The following FYB1 variants were observed in gnomAD, a reference collection of about 807,000 sequenced individuals.
FYB1 encodes FYN binding protein 1.
Under a neutral mutation model 94.1 loss-of-function variants are expected in FYB1, and 41 were observed. The observed-to-expected ratio is 0.44, with a 90% CI of 0.34 to 0.57. The LOEUF (loss-of-function observed/expected upper bound fraction) is 0.57, where lower values mean the gene tolerates loss of function less well. Among genes scored for constraint, FYB1 ranks in the 20% least tolerant of loss-of-function variants. FYB1 has a pLI of 0.02. For missense variants in FYB1, 1,050 were observed against 976.8 expected (o/e 1.07, Z -1.00); for synonymous variants, 367 against 353.2 (o/e 1.04, Z -0.44).
rs73091005 is a variant in FYB1 at position 39,169,702 on chromosome 5, G to A, written c.1136-16098C>T. 357 of 451,752 alleles carry A rather than the reference G, an allele frequency of 7.9e-4. 1 individual carries two copies. The highest frequency in any genetic ancestry group is 3.5e-3 in the African/African-American group (171 of 49,226). 28.0% of individuals were successfully genotyped at this position (451,752 alleles called of 1,614,324 possible). A position where few individuals can be genotyped will look rare whatever the true frequency, so the allele number is the denominator to read the frequency against. On this transcript the variant is annotated intron_variant, in intron 2 of 18. Coordinates refer to ENST00000512982, the MANE Select transcript of FYB1 (RefSeq NM_001465.6). ...TCTATTGAAAGTACAAAAATTAGCC[G>A]GGCCAGTCGAAGGTTAGATAGTTCA...
In FYB1 at chr5:39,153,505, G is replaced by A; in HGVS notation, c.1235C>T (p.Ser412Leu). 2 of 1,613,986 alleles carry A rather than the reference G, an allele frequency of 1.2e-6. No homozygotes were observed. The highest frequency in any genetic ancestry group is 1.1e-5 in the South Asian group (1 of 91,076). Residue 412 changes from serine (S) to leucine (L), a missense_variant, in exon 3 of 19, where the codon TCA (serine) becomes TTA (leucine). Physicochemically the swap from Ser to Leu is moderately radical, Grantham distance 145. Transcript: ENST00000512982. ...AGGTAGGCTTGGGACTGGTGGTTGTGATGGGTGAGATGCTGGCAATGGTGG... is the reference window on the plus strand; with the variant it reads ...AGGTAGGCTTGGGACTGGTGGTTGTAATGGGTGAGATGCTGGCAATGGTGG... ...SQPPLPASHP[S>L]QPPVPSLPPR...
intron 11 of FYB1, among the ~76,000 whole-genome samples, chr5:39,127,298 T>C (rs1046940279): frequency 6.6e-6 from 1 of 151,648 alleles, no homozygotes; most frequent in Non-Finnish European, 1.5e-5. Context: ...AATCATGTTA[T>C]TACACAAGGG....
intron 1 of FYB1, among the ~76,000 whole-genome samples, chr5:39,215,875 T>C (rs1261555271): frequency 1.3e-5 from 2 of 152,182 alleles, no homozygotes; most frequent in Non-Finnish European, 2.9e-5. Flanking sequence ...GCAGGTGTAA[T>C]TAAGGATCAT....
chr5:39,235,250 G>A (rs2150577755), intron 1 of FYB1, among the ~76,000 whole-genome samples: 1 of 150,672 alleles, frequency 6.6e-6, no homozygotes, highest in East Asian at 2.0e-4. Context: ...GGTGAAGAGG[G>A]AACTACAGAT....
intron 1 of FYB1, among the ~76,000 whole-genome samples, chr5:39,216,814 C>T (rs1051810116): frequency 6.6e-6 from 1 of 152,182 alleles, no homozygotes; most frequent in Non-Finnish European, 1.5e-5. Context: ...GGCATTTCAC[C>T]TGCACTTAGA....
At chr5:39,134,790 A>C in intron 8 of FYB1, 65 bp downstream of exon 8, 22 of 1,507,360 alleles carry the variant, frequency 1.5e-5, no homozygotes, top group South Asian at 2.3e-5. Context: ...TTCTGGAGGA[A>C]TATGTACATT....
intron 14 of FYB1, among the ~76,000 whole-genome samples, chr5:39,121,149 G>A (rs1372023712): frequency 2.5e-5 from 3 of 119,502 alleles, no homozygotes; most frequent in Admixed American, 1.1e-4. Flanking sequence ...CCTAGAGAGC[G>A]ATTTTATGGA....
intron 11 of FYB1, among the ~76,000 whole-genome samples, chr5:39,127,315 A>G (rs1390739398): frequency 6.6e-6 from 1 of 151,718 alleles, no homozygotes; most frequent in Non-Finnish European, 1.5e-5. Context: ...AGGGATAGCC[A>G]TGCAACTGAT....
chr5:39,108,288 T>A (rs752254544), intron 17 of FYB1, 26 bp from the exon 18 acceptor site: 2 of 1,506,762 alleles, frequency 1.3e-6, no homozygotes, highest in Non-Finnish European at 1.8e-6. Flanking sequence ...AAAATTTTTA[T>A]TTTAAAGAAA....
At position 39,124,069 on chromosome 5, in the gene FYB1, T is replaced by G. The variant is rs984823017; in HGVS notation, c.2071+184A>C. On this transcript the variant is annotated intron_variant, in intron 13 of 18. Coordinates refer to ENST00000512982, the MANE Select transcript of FYB1 (RefSeq NM_001465.6). ...AAAAACTATCAGTCTTTTTAATTTT[T>G]CTCATCTTGCTATTTTATCATTGAG... 1.1e-4 allele frequency among the ~76,000 whole-genome samples: 17 copies of G among 152,268 alleles called. No homozygotes were observed. The East Asian group carries it at 3.3e-3, about 29-fold the overall frequency.
intron 1 of FYB1, among the ~76,000 whole-genome samples, chr5:39,256,022 C>G (rs1011850034): frequency 2.0e-5 from 3 of 152,180 alleles, no homozygotes; most frequent in Admixed American, 2.0e-4. Flanking sequence ...GAACAGTTAA[C>G]ATAGTAAGTG....
chr5:39,170,006 A>ACAT lies in FYB1; in HGVS notation c.1136-16403_1136-16402insATG, dbSNP rs1745100258. 5 of 738,788 alleles carry ACAT rather than the reference A, an allele frequency of 6.8e-6. No homozygotes were observed. The Admixed American group carries it at 9.8e-5, about 15-fold the overall frequency. The allele number at this position is 738,788 out of a possible 1,614,324, so 45.8% of individuals were successfully genotyped here. A position where few individuals can be genotyped will look rare whatever the true frequency, so the allele number is the denominator to read the frequency against. On this transcript the variant is annotated intron_variant, in intron 2 of 18. Coordinates refer to ENST00000512982, the MANE Select transcript of FYB1 (RefSeq NM_001465.6). ...TTTCTTGTTCACACAAATTGGGATG[A>ACAT]AGGCCTAGGAACAGATGAATTTTCA...
At chr5:39,178,192 A>G (rs1745906933) in intron 2 of FYB1, among the ~76,000 whole-genome samples, 2 of 152,258 alleles carry the variant, frequency 1.3e-5, no homozygotes, top group Admixed American at 1.3e-4. Context: ...TTTGATATTC[A>G]TAGTGTTCAT....
chr5:39,127,778 T>A lies in FYB1; in HGVS notation c.1870A>T (p.Ile624Phe). ...GIFPPPPDDD[I>F]YDGIEEEDAD... ...TCTTCCTCTTCAATCCCATCATAAA[T>A]GTCATCATCTGGTGGTGGAGGGAAT... is the stretch of plus-strand genomic sequence containing the variant. The change falls in exon 11 of 19, where the codon ATT (isoleucine) becomes TTT (phenylalanine). Residue 624 changes from isoleucine (I) to phenylalanine (F), a missense_variant. Physicochemically the swap from Ile to Phe is conservative, Grantham distance 21. Coordinates refer to ENST00000512982, the MANE Select transcript of FYB1 (RefSeq NM_001465.6). 1 of 1,603,892 alleles carries A rather than the reference T, an allele frequency of 6.2e-7. No homozygotes were observed. Among genetic ancestry groups the A allele is most frequent in the South Asian group, 1.1e-5 (1 of 89,296 alleles).
In FYB1 at chr5:39,195,745, A is replaced by C. The variant is rs1219413237; in HGVS notation, c.1135+6081T>G. Among the ~76,000 whole-genome samples the C allele has an allele frequency of 4.6e-5, 7 of 152,224 alleles. No homozygotes were observed. The South Asian group carries it at 1.4e-3, about 31-fold the overall frequency. On this transcript the variant is annotated intron_variant, in intron 2 of 18. Transcript: ENST00000512982. Reference sequence around the variant, plus strand: ...CCAGCAGGTTTTTACTAAATCATACATGCAAACCAATAGTCAGGCCAGGGA... The same window carrying C: ...CCAGCAGGTTTTTACTAAATCATACCTGCAAACCAATAGTCAGGCCAGGGA...
At chr5:39,129,112 C>G (rs1740947105) in intron 10 of FYB1, among the ~76,000 whole-genome samples, 1 of 151,780 alleles carries the variant, frequency 6.6e-6, no homozygotes, top group Non-Finnish European at 1.5e-5. Context: ...AAAATAGAAA[C>G]AAAAACCAAT....
chr5:39,177,992 A>G (rs1469467), intron 2 of FYB1, among the ~76,000 whole-genome samples: 2 of 152,318 alleles, frequency 1.3e-5, no homozygotes, highest in East Asian at 3.9e-4. Flanking sequence ...GCTTTCCTGC[A>G]AACACAAAAT....
chr5:39,226,522 G>T (rs185658352), intron 1 of FYB1, among the ~76,000 whole-genome samples: 6 of 152,050 alleles, frequency 3.9e-5, no homozygotes, highest in Admixed American at 3.3e-4. Flanking sequence ...CTTCCACATT[G>T]TCTTACCCTT....
At chr5:39,217,093 G>T (rs1204777483) in intron 1 of FYB1, among the ~76,000 whole-genome samples, 9 of 152,040 alleles carry the variant, frequency 5.9e-5, no homozygotes, top group Non-Finnish European at 2.9e-5. Flanking sequence ...AGACATTCTT[G>T]GTTTATTCCT....
Sources: allele counts gnomAD v4.1 joint callset (sites outside exome capture counted in the v4.1 genomes callset), GRCh38; gene constraint gnomAD v4.1.1; transcripts MANE v1.5; gene names NCBI Gene and HGNC (gene_info 2026-07-23, HGNC 2026-07-21).